Variants in FBXL2 observed in about 807,000 individuals in gnomAD.
FBXL2 encodes the protein F-box and leucine rich repeat protein 2.
FBXL2 carries 38 observed loss-of-function variants against 69.2 expected under a neutral mutation model. The observed-to-expected ratio is 0.55, with a 90% CI of 0.42 to 0.72. The LOEUF is 0.72. FBXL2 is among the 30% of genes least tolerant of loss of function. The probability of loss-of-function intolerance (pLI) is 0.00; values close to 1 mark genes in which losing one functional copy is unlikely to be tolerated. For missense variants in FBXL2, 354 were observed against 520.3 expected, an observed-to-expected ratio of 0.68 and a Z score of 3.11; for synonymous variants, 192 against 201.3, an observed-to-expected ratio of 0.95 and a Z score of 0.39.
intron 2 of FBXL2, among the ~76,000 whole-genome samples, chr3:33,334,783 A>G (rs2039442863): frequency 6.6e-6 from 1 of 152,080 alleles, no homozygotes; most frequent in Non-Finnish European, 1.5e-5. Context: ...AAGGAAGGCT[A>G]AAAAAATTGG....
chr3:33,354,805 AAGTT>A (rs1288580577), intron 2 of FBXL2, among the ~76,000 whole-genome samples: 7 of 152,298 alleles, frequency 4.6e-5, no homozygotes, highest in Non-Finnish European at 5.9e-5. Flanking sequence ...GAAAGGAGGA[AAGTT>A]AGTTCATTAT....
At chr3:33,347,384 T>C (rs1232971860) in intron 2 of FBXL2, among the ~76,000 whole-genome samples, 3 of 152,376 alleles carry the variant, frequency 2.0e-5, no homozygotes, top group African/African-American at 7.2e-5. Flanking sequence ...GTATCCATTG[T>C]ACATATGTCC....
chr3:33,277,273 G>A (rs1416681388), upstream of FBXL2: 3 of 394,586 alleles, frequency 7.6e-6, no homozygotes, highest in East Asian at 3.6e-5. Context: ...TGATCAGACT[G>A]AGAGGATGGA....
intron 1 of FBXL2, 74 bp from the exon 2 acceptor site, chr3:33,297,590 G>A (rs182507934): frequency 3.4e-6 from 3 of 890,438 alleles, no homozygotes; most frequent in Admixed American, 4.9e-5. Context: ...TGATCTAGTA[G>A]TATAAAAACA....
intron 1 of FBXL2, among the ~76,000 whole-genome samples, chr3:33,281,886 G>A (rs1207315113): frequency 6.6e-6 from 1 of 152,098 alleles, no homozygotes; most frequent in Non-Finnish European, 1.5e-5. Flanking sequence ...AGTTGTTGAT[G>A]GGGTTGTTTG....
At chr3:33,370,350 G>A (rs2154046836) in intron 5 of FBXL2, among the ~76,000 whole-genome samples, 1 of 150,852 alleles carries the variant, frequency 6.6e-6, no homozygotes, top group South Asian at 2.1e-4. Flanking sequence ...CCCGGGAGGC[G>A]GAGCTTGCAG....
At chr3:33,392,401 T>C (rs2043804375), downstream of FBXL2, 2 of 616,436 alleles carry the variant, frequency 3.2e-6, no homozygotes, top group African/African-American at 1.9e-5. Flanking sequence ...CCTTATATGC[T>C]AATTTCTGTT....
At chr3:33,396,289 A>G in intron 12 of FBXL2, 1 of 1,565,492 alleles carries the variant, frequency 6.4e-7, no homozygotes, top group South Asian at 1.1e-5. Flanking sequence ...ACCTGCAATC[A>G]GAAGATGCCA....
intron 14 of FBXL2, among the ~76,000 whole-genome samples, chr3:33,385,072 T>A (rs528669942): frequency 6.6e-6 from 1 of 152,098 alleles, no homozygotes; most frequent in South Asian, 2.1e-4. Context: ...CAATTTAAGG[T>A]CATTATGAGT....
chr3:33,343,795 A>T (rs1394684293), intron 2 of FBXL2, among the ~76,000 whole-genome samples: 1 of 152,106 alleles, frequency 6.6e-6, no homozygotes, highest in Non-Finnish European at 1.5e-5. Flanking sequence ...TATAACTTTA[A>T]AATATTTAAA....
Position 33,378,738 on chromosome 3 carries a change from C to T in FBXL2, c.948C>T (p.Ala316=), listed in dbSNP as rs572739020. 4 of 1,613,902 alleles carry T rather than the reference C, an allele frequency of 2.5e-6. No individual in the cohort carries two copies. Among genetic ancestry groups the T allele is most frequent in the Non-Finnish European group, 3.4e-6 (4 of 1,179,986 alleles). Residue 316 remains alanine (A), a synonymous_variant, in exon 13 of 15, where the codon GCC becomes GCT. Coordinates refer to ENST00000484457, the MANE Select transcript of FBXL2 (RefSeq NM_012157.5). ...QLSIHCPKLQ[A]LSLSHCELIT... ...CCATTCACTGTCCTAAACTGCAAGC[C>T]CTGGTGAGTCTGAGTTTTTCTGACA...
intron 12 of FBXL2, chr3:33,393,573 A>G: frequency 2.1e-6 from 2 of 942,032 alleles, no homozygotes; most frequent in Non-Finnish European, 2.9e-6. Context: ...AAGTAAAAAA[A>G]CATTTTAAAT....
At chr3:33,376,805 A>G (rs1007078103) in intron 10 of FBXL2, among the ~76,000 whole-genome samples, 1 of 152,072 alleles carries the variant, frequency 6.6e-6, no homozygotes, top group African/African-American at 2.4e-5. Context: ...GTTTGAGACC[A>G]GCCTGGCCAA....
At chr3:33,363,020 A>G (rs1575344999) in intron 4 of FBXL2, among the ~76,000 whole-genome samples, 1 of 152,118 alleles carries the variant, frequency 6.6e-6, no homozygotes, top group South Asian at 2.1e-4. Flanking sequence ...CTAGGTAACA[A>G]TATGTATCCT....
At chr3:33,306,214 A>G (rs1431662602) in intron 2 of FBXL2, among the ~76,000 whole-genome samples, 1 of 152,084 alleles carries the variant, frequency 6.6e-6, no homozygotes, top group African/African-American at 2.4e-5. Flanking sequence ...TCAAATATTT[A>G]TCACGTACCG....
At chr3:33,369,677 G>A (rs1026935472) in intron 5 of FBXL2, among the ~76,000 whole-genome samples, 3 of 151,776 alleles carry the variant, frequency 2.0e-5, no homozygotes, top group African/African-American at 7.3e-5. Context: ...CAGTACCATG[G>A]TCTAGGCTCA....
At chr3:33,375,985 C>T (rs919614962) in intron 10 of FBXL2, among the ~76,000 whole-genome samples, 4 of 152,078 alleles carry the variant, frequency 2.6e-5, no homozygotes, top group Admixed American at 2.0e-4. Flanking sequence ...GGTGACACCT[C>T]GTCTCTACTA....
chr3:33,316,543 C>T (rs535960460), intron 2 of FBXL2, among the ~76,000 whole-genome samples: 1 of 152,240 alleles, frequency 6.6e-6, no homozygotes, highest in South Asian at 2.1e-4. Context: ...GTCAAAATTT[C>T]CTCCCAGTAT....
At chr3:33,286,979 C>A (rs922734895) in intron 1 of FBXL2, among the ~76,000 whole-genome samples, 1 of 152,200 alleles carries the variant, frequency 6.6e-6, no homozygotes, top group Non-Finnish European at 1.5e-5. Flanking sequence ...CGACCCCTTG[C>A]GCTTTCCAGG....
Sources: gnomAD v4.1 joint callset for allele counts (sites outside exome capture counted in the v4.1 genomes callset) on GRCh38, gnomAD v4.1.1 for gene constraint, MANE v1.5 for transcripts, NCBI Gene and HGNC (gene_info 2026-07-23, HGNC 2026-07-21) for gene names.